The following STK24 variants were observed in gnomAD, a reference collection of about 807,000 sequenced individuals.
STK24 encodes serine/threonine-protein kinase 24.
A neutral mutation model predicts 55.6 loss-of-function variants in STK24; 21 were observed. That is an observed-to-expected ratio of 0.38 (90% CI 0.27 to 0.54). The LOEUF (loss-of-function observed/expected upper bound fraction) is 0.54. STK24 is among the 20% of genes least tolerant of loss of function. The pLI is 0.79. For missense variants in STK24, 383 were observed against 538.4 expected (o/e 0.71, Z 2.86); for synonymous variants, 200 against 215.2 (o/e 0.93, Z 0.62).
Position 98,448,509 on chromosome 13 carries a change from T to G in STK24, c.*4664A>C. On this transcript the variant is annotated 3_prime_UTR_variant, in exon 11 of 11. Transcript: ENST00000539966. ...CGTCTGAATGAACAGCGCTCCCACC[T>G]CCAGTCCTGGCATCCGCTGGGGGCG... The G allele has an allele frequency of 1.7e-6, 1 of 583,660 alleles. No homozygotes were observed. The highest frequency in any genetic ancestry group is 2.0e-5 in the South Asian group (1 of 48,868). The allele number at this position is 583,660 out of a possible 1,614,324, so 36.2% of individuals were successfully genotyped here. A position where few individuals can be genotyped will look rare whatever the true frequency, so the allele number is the denominator to read the frequency against.
intron 1 of STK24, among the ~76,000 whole-genome samples, chr13:98,528,050 G>A (rs1896482172): frequency 6.6e-6 from 1 of 152,106 alleles, no homozygotes; most frequent in Non-Finnish European, 1.5e-5. Context: ...CAAAGCTGGA[G>A]AGAGCCGTCT....
chr13:98,478,560 A>G (rs2139295922), intron 3 of STK24, among the ~76,000 whole-genome samples: 1 of 152,378 alleles, frequency 6.6e-6, no homozygotes, highest in African/African-American at 2.4e-5. Flanking sequence ...GGTATGGACC[A>G]GAGCCACTGA....
At chr13:98,501,144 G>A (rs1415991740) in intron 2 of STK24, among the ~76,000 whole-genome samples, 1 of 152,212 alleles carries the variant, frequency 6.6e-6, no homozygotes, top group Non-Finnish European at 1.5e-5. Flanking sequence ...CTATAATTAA[G>A]CAAAGTGACT....
rs11544741 is a variant in STK24, at chr13:98,457,239, G to A, written c.1188C>T (p.Ile396=). ...CAGGGCACGCCTCCTCCGCTAGGTAGATGGCCCCTCGCAGCTCTTCAATGG... is the reference window on the plus strand; with the variant it reads ...CAGGGCACGCCTCCTCCGCTAGGTAAATGGCCCCTCGCAGCTCTTCAATGG... ...LGSIEELRGA[I]YLAEEACPGI... The change falls in exon 10 of 11, where the codon ATC becomes ATT. Residue 396 remains isoleucine (I), a synonymous_variant. Transcript: ENST00000539966. 6.2e-7 allele frequency: 1 copy of A among 1,613,604 alleles called. No homozygotes were observed. Among genetic ancestry groups the A allele is most frequent in the Non-Finnish European group, 8.5e-7 (1 of 1,180,044 alleles).
chr13:98,504,213 A>C (rs1214510925), intron 2 of STK24, among the ~76,000 whole-genome samples: 5 of 152,274 alleles, frequency 3.3e-5, no homozygotes, highest in South Asian at 4.2e-4. Context: ...ACAAAAAAAA[A>C]ACAAACTTTA....
In STK24 at chr13:98,450,663, C is replaced by G. The variant is rs1399746205; in HGVS notation, c.*2510G>C. On this transcript the variant is annotated 3_prime_UTR_variant, in exon 11 of 11. Transcript: ENST00000539966. The stretch of plus-strand genomic sequence containing the variant: ...CTGGGCAGCTGAGCCAGGAGCAGCT[C>G]AGGGCTGGCACTGAGAGGCTACTGG... The G allele has an allele frequency of 6.6e-6, 1 of 152,236 alleles. No individual in the cohort carries two copies. The highest frequency in any genetic ancestry group is 1.5e-5 in the Non-Finnish European group (1 of 68,064). The allele number at this position is 152,236 out of a possible 1,614,324, so 9.4% of individuals were successfully genotyped here.
intron 3 of STK24, among the ~76,000 whole-genome samples, chr13:98,477,674 C>CAAA (rs34403507): frequency 5.7e-4 from 52 of 91,928 alleles, no homozygotes; most frequent in African/African-American, 2.1e-3. Flanking sequence ...GATTCCGTCT[C>CAAA]AAAAAAAAAA....
At chr13:98,508,240 CATA>C (rs763648155) in intron 2 of STK24, among the ~76,000 whole-genome samples, 5 of 152,072 alleles carry the variant, frequency 3.3e-5, no homozygotes, top group Non-Finnish European at 5.9e-5. Context: ...AAGCAGAAAT[CATA>C]TAAGGTGAAA....
rs147564893 is a variant in STK24, at chr13:98,547,572, T to G, written c.43-28099A>C. Among the ~76,000 whole-genome samples, 922 of 152,258 alleles carry G rather than the reference T, an allele frequency of 6.1e-3. 10 individuals carry two copies. Among genetic ancestry groups the G allele is most frequent in the Non-Finnish European group, 8.5e-3 (575 of 68,012 alleles). The stretch of plus-strand genomic sequence containing the variant: ...CTTTAAAACAAAATTAATGACCAAC[T>G]ATGATAAAAAGTCAATAGGTTGTTT... On this transcript the variant is annotated intron_variant, in intron 1 of 10. Transcript: ENST00000539966.
At chr13:98,543,360 CA>C (rs1421728502) in intron 1 of STK24, among the ~76,000 whole-genome samples, 1 of 152,154 alleles carries the variant, frequency 6.6e-6, no homozygotes, top group African/African-American at 2.4e-5. Context: ...CTCGACCCTC[CA>C]GAAGCACCAA....
At chr13:98,547,411 G>A (rs886504934) in intron 1 of STK24, among the ~76,000 whole-genome samples, 3 of 152,092 alleles carry the variant, frequency 2.0e-5, no homozygotes, top group South Asian at 2.1e-4. Flanking sequence ...AGCCGGGCAC[G>A]GTGGCACACG....
chr13:98,565,022 G>A (rs753037505), intron 1 of STK24, among the ~76,000 whole-genome samples: 6 of 152,158 alleles, frequency 3.9e-5, no homozygotes, highest in Non-Finnish European at 4.4e-5. Flanking sequence ...TTAGGTCAGC[G>A]GTTCCAAAGT....
At position 98,447,319 on chromosome 13, in the gene STK24, C is replaced by T. The variant is rs1892910987; in HGVS notation, c.*5854G>A. On this transcript the variant is annotated 3_prime_UTR_variant, in exon 11 of 11. Transcript: ENST00000539966. ...GAGGCAGAAGGGGAGGGGTCCTCAG[C>T]AATATGCTGAGCACCTCCTAAACAA... The T allele has an allele frequency of 6.5e-6, 1 of 153,974 alleles. No homozygotes were observed. Among genetic ancestry groups the T allele is most frequent in the South Asian group, 2.0e-4 (1 of 4,944 alleles). The allele number at this position is 153,974 out of a possible 1,614,324, so 9.5% of individuals were successfully genotyped here. A position where few individuals can be genotyped will look rare whatever the true frequency, so the allele number is the denominator to read the frequency against.
At chr13:98,490,715 G>A (rs1894992317) in intron 2 of STK24, among the ~76,000 whole-genome samples, 1 of 151,944 alleles carries the variant, frequency 6.6e-6, no homozygotes, top group Non-Finnish European at 1.5e-5. Context: ...ACCCGGATTG[G>A]ACAATGTGGA....
At chr13:98,536,535 T>C (rs1896740544) in intron 1 of STK24, among the ~76,000 whole-genome samples, 1 of 151,952 alleles carries the variant, frequency 6.6e-6, no homozygotes, top group Non-Finnish European at 1.5e-5. Flanking sequence ...TGGCTGACTG[T>C]TATTTTACTT....
In STK24 at chr13:98,447,176, T is replaced by G. The variant is rs1232763822; in HGVS notation, c.*5997A>C. ...TTTAGCCAAGAAAGAAATGCAACAG[T>G]CAGGCCTAAGACTGTTCCTGCAATT... On this transcript the variant is annotated 3_prime_UTR_variant, in exon 11 of 11. Transcript: ENST00000539966. The G allele has an allele frequency of 1.9e-5, 4 of 210,086 alleles. No homozygotes were observed. Among genetic ancestry groups the G allele is most frequent in the Non-Finnish European group, 3.9e-5 (4 of 103,628 alleles). 13.0% of individuals were successfully genotyped at this position (210,086 alleles called of 1,614,324 possible). A position where few individuals can be genotyped will look rare whatever the true frequency, so the allele number is the denominator to read the frequency against.
intron 2 of STK24, among the ~76,000 whole-genome samples, chr13:98,484,556 G>GC: frequency 6.6e-6 from 1 of 152,298 alleles, no homozygotes; most frequent in East Asian, 1.9e-4. Flanking sequence ...TCCTGGAGCA[G>GC]CAAGGCACAA....
At chr13:98,495,374 ATAAT>A (rs1433005559) in intron 2 of STK24, among the ~76,000 whole-genome samples, 3 of 152,260 alleles carry the variant, frequency 2.0e-5, no homozygotes, top group Admixed American at 6.5e-5. Context: ...AGCATATGGC[ATAAT>A]TATTTTATTG....
In STK24 at chr13:98,463,691, G is replaced by C; in HGVS notation, c.929C>G (p.Ala310Gly). 7 of 1,613,230 alleles carry C rather than the reference G, an allele frequency of 4.3e-6. No individual in the cohort carries two copies. Among genetic ancestry groups the C allele is most frequent in the Non-Finnish European group, 5.9e-6 (7 of 1,179,424 alleles). The stretch of plus-strand genomic sequence containing the variant: ...TTGGGTCACTCAGGGGCCGACTTAC[G>C]CGTCGGAATCCTCGGAGCTCGAGTC... ...HDDSSSEDSD[A>G]ETDGQASGGS... The change falls in exon 7 of 11, where the codon GCG (alanine) becomes GGG (glycine). Residue 310 changes from alanine to glycine, a missense_variant and splice_region_variant. Transcript: ENST00000539966.
Sources: gnomAD v4.1 joint callset for allele counts (sites outside exome capture counted in the v4.1 genomes callset) on GRCh38, gnomAD v4.1.1 for gene constraint, MANE v1.5 for transcripts, NCBI Gene and HGNC (gene_info 2026-07-23, HGNC 2026-07-21) for gene names.